Variants in CCDC171 observed in about 807,000 individuals in gnomAD.
CCDC171 encodes coiled-coil domain-containing protein 171.
CCDC171 carries 177 observed loss-of-function variants against 168.2 expected under a neutral mutation model. That is an observed-to-expected ratio of 1.05 (90% CI 0.93 to 1.19). CCDC171 has a LOEUF of 1.19. Ranked by LOEUF, CCDC171 falls within the 50% of genes most tolerant of loss-of-function variation. The pLI is 0.00. For synonymous variants in CCDC171, 687 were observed against 540.8 expected (o/e 1.27, Z -3.75); for missense variants, 1,991 against 1,539.0 (o/e 1.29, Z -4.91).
chr9:16,095,262 A>C, the CCDC171 span, among the ~76,000 whole-genome samples: 2 of 152,220 alleles, frequency 1.3e-5, no homozygotes, highest in African/African-American at 4.8e-5. Context: ...AGGCAAGGAC[A>C]CAATCGCCTT....
At chr9:16,103,704 C>T in the CCDC171 span, among the ~76,000 whole-genome samples, 1 of 152,132 alleles carries the variant, frequency 6.6e-6, no homozygotes, top group African/African-American at 2.4e-5. Context: ...AATTGGCCTG[C>T]AGAACAAACA....
chr9:15,756,212 TATC>T (rs2056103894), intron 18 of CCDC171, among the ~76,000 whole-genome samples: 1 of 151,974 alleles, frequency 6.6e-6, no homozygotes, highest in East Asian at 1.9e-4. Context: ...AAAAAGCAAA[TATC>T]ATTTATTACC....
At chr9:15,663,946 ACT>A (rs2048522476) in intron 8 of CCDC171, among the ~76,000 whole-genome samples, 1 of 152,052 alleles carries the variant, frequency 6.6e-6, no homozygotes, top group South Asian at 2.1e-4. Flanking sequence ...AAAAGAATAA[ACT>A]CATGTATTTT....
chr9:15,777,791 C>G lies in CCDC171; in HGVS notation c.2863C>G (p.Leu955Val), dbSNP rs1465485262. ...ACTTCATAAAGTAAACACACTGGCCCTGAAATATGGTTTGCGTGGCCATGT... is the reference window on the plus strand; with the variant it reads ...ACTTCATAAAGTAAACACACTGGCCGTGAAATATGGTTTGCGTGGCCATGT... ...HGLHKVNTLA[L>V]KYGLRGHVPI... Residue 955 changes from leucine to valine, a missense_variant, in exon 19 of 26, where the codon CTG becomes GTG. Transcript: ENST00000380701. 2 of 1,612,276 alleles carry G rather than the reference C, an allele frequency of 1.2e-6. No individual in the cohort carries two copies. Among genetic ancestry groups the G allele is most frequent in the Non-Finnish European group, 1.7e-6 (2 of 1,179,598 alleles).
At chr9:15,967,821 C>G (rs1188407229) in intron 25 of CCDC171, among the ~76,000 whole-genome samples, 1 of 152,138 alleles carries the variant, frequency 6.6e-6, no homozygotes, top group Non-Finnish European at 1.5e-5. Context: ...TTTTATAATA[C>G]TAAATTCTAG....
At chr9:15,756,028 G>A (rs986529941) in intron 18 of CCDC171, among the ~76,000 whole-genome samples, 24 of 152,226 alleles carry the variant, frequency 1.6e-4, no homozygotes, top group Middle Eastern at 3.4e-3. Context: ...ATGTCAGGAA[G>A]GCAAAAGCTT....
chr9:15,643,134 G>A (rs1055738603), intron 7 of CCDC171, among the ~76,000 whole-genome samples: 1 of 151,786 alleles, frequency 6.6e-6, no homozygotes, highest in African/African-American at 2.4e-5. Context: ...AAGTTCTTTA[G>A]TTGTGGTTTG....
the CCDC171 span, among the ~76,000 whole-genome samples, chr9:16,096,388 G>A: frequency 1.3e-5 from 2 of 152,206 alleles, no homozygotes; most frequent in Non-Finnish European, 2.9e-5. Flanking sequence ...CAGCTGTTTA[G>A]ATGGGTGGTG....
chr9:15,628,385 C>T (rs2045355419), intron 7 of CCDC171, among the ~76,000 whole-genome samples: 1 of 152,198 alleles, frequency 6.6e-6, no homozygotes, highest in South Asian at 2.1e-4. Flanking sequence ...TAACCCGCAT[C>T]TGGCTCAGAG....
intron 8 of CCDC171, 45 bp downstream of exon 8, chr9:15,657,264 G>A: frequency 1.6e-6 from 2 of 1,216,100 alleles, no homozygotes; most frequent in Non-Finnish European, 2.4e-6. Context: ...CTTAATTTGT[G>A]TTATAACAGC....
intron 7 of CCDC171, among the ~76,000 whole-genome samples, chr9:15,649,778 G>T (rs2047357006): frequency 6.6e-6 from 1 of 152,172 alleles, no homozygotes; most frequent in Non-Finnish European, 1.5e-5. Context: ...TGGAGAAATA[G>T]GAGCATTTTT....
the CCDC171 span, among the ~76,000 whole-genome samples, chr9:16,108,733 C>T: frequency 3.0e-4 from 46 of 152,224 alleles, no homozygotes; most frequent in East Asian, 2.5e-3. Context: ...CCAGTTCAGC[C>T]GGCCCTGACT....
intron 7 of CCDC171, among the ~76,000 whole-genome samples, chr9:15,655,382 A>G (rs549305381): frequency 6.6e-6 from 1 of 152,268 alleles, no homozygotes; most frequent in Non-Finnish European, 1.5e-5. Context: ...GGATGTTCCC[A>G]TAGTTCTGTT....
the CCDC171 span, among the ~76,000 whole-genome samples, chr9:16,098,352 T>TGTC: frequency 5.9e-5 from 9 of 152,318 alleles, no homozygotes; most frequent in East Asian, 3.9e-4. Context: ...CCATCATTGT[T>TGTC]GTCGTCGTCG....
chr9:15,675,949 T>C (rs2049522732), intron 9 of CCDC171, among the ~76,000 whole-genome samples: 1 of 152,244 alleles, frequency 6.6e-6, no homozygotes, highest in Non-Finnish European at 1.5e-5. Context: ...TTCTCCTGGA[T>C]AATATCCTGA....
chr9:15,934,373 G>T (rs1451804261), intron 25 of CCDC171, among the ~76,000 whole-genome samples: 1 of 133,136 alleles, frequency 7.5e-6, no homozygotes, highest in East Asian at 2.2e-4. Flanking sequence ...CTGGGCAACA[G>T]TGTGAGACCC....
intron 25 of CCDC171, among the ~76,000 whole-genome samples, chr9:15,930,327 T>C (rs1564017279): frequency 1.3e-5 from 2 of 151,576 alleles, no homozygotes; most frequent in Non-Finnish European, 3.0e-5. Flanking sequence ...ATAATTTACA[T>C]ATTCTATATA....
intron 1 of CCDC171, among the ~76,000 whole-genome samples, chr9:16,049,932 G>T (rs1236270754): frequency 6.6e-6 from 1 of 152,130 alleles, no homozygotes. Flanking sequence ...TGTCACACAG[G>T]CTGGAGTGCA....
chr9:15,916,768 T>G (rs1048442800), intron 24 of CCDC171, among the ~76,000 whole-genome samples: 4 of 152,054 alleles, frequency 2.6e-5, no homozygotes, highest in Non-Finnish European at 5.9e-5. Flanking sequence ...ATTTTATGTT[T>G]GAATTCCCTC....
Sources: allele counts gnomAD v4.1 joint callset (sites outside exome capture counted in the v4.1 genomes callset), GRCh38; gene constraint gnomAD v4.1.1; transcripts MANE v1.5; gene names NCBI Gene and HGNC (gene_info 2026-07-23, HGNC 2026-07-21).